SLC46A3: variants seen among roughly 807,000 people sequenced by gnomAD.
SLC46A3 encodes lysosomal proton-coupled steroid conjugate and bile acid symporter SLC46A3.
In SLC46A3, 26 loss-of-function variants were observed where a neutral mutation model predicts 38.5. That is an observed-to-expected ratio of 0.68 (90% CI 0.49 to 0.94). The LOEUF is 0.94. Among genes scored for constraint, SLC46A3 ranks in the 40% least tolerant of loss-of-function variants. SLC46A3 has a pLI of 0.00. For missense variants in SLC46A3, 510 were observed against 544.3 expected, an observed-to-expected ratio of 0.94 and a Z score of 0.63; for synonymous variants, 185 against 192.5, an observed-to-expected ratio of 0.96 and a Z score of 0.32.
At position 28,711,114 on chromosome 13, in the gene SLC46A3, T is replaced by TATA. The variant is rs537261944; in HGVS notation, c.1061-274_1061-272dup. Among the ~76,000 whole-genome samples, 808 of 152,308 alleles carry TATA rather than the reference T, an allele frequency of 5.3e-3. 4 individuals are homozygous for TATA. The highest frequency in any genetic ancestry group is 8.6e-3 in the Non-Finnish European group (585 of 68,016). On this transcript the variant is annotated intron_variant, in intron 3 of 5. Coordinates refer to ENST00000266943, the MANE Select transcript of SLC46A3 (RefSeq NM_181785.4). ...TAATTTTTAGGTCTAGATCTATTTATATAATCTGCCGATTAAGACTGATCT... is the reference window on the plus strand; with the variant it reads ...TAATTTTTAGGTCTAGATCTATTTATATAATAATCTGCCGATTAAGACTGATCT...
rs746121838 is a variant in SLC46A3 at position 28,713,068 on chromosome 13, C to G, written c.672G>C (p.Glu224Asp). The change falls in exon 3 of 6, where the codon GAG becomes GAC. Residue 224 changes from glutamate (E) to aspartate (D), a missense_variant. Glu to Asp is a conservative substitution (Grantham distance 45). Coordinates refer to ENST00000266943, the MANE Select transcript of SLC46A3 (RefSeq NM_181785.4). ...ILFFLGDPVK[E>D]CSSQNVTMSC... ...ACATAGTAACATTCTGAGATGAACA[C>G]TCTTTCACTGGATCTCCGAGAAAAA... 6.2e-7 allele frequency: 1 copy of G among 1,611,178 alleles called. No homozygotes were observed.
chr13:28,713,613 T>C, intron 2 of SLC46A3, 63 bp from the exon 3 acceptor site: 2 of 1,489,574 alleles, frequency 1.3e-6, no homozygotes, highest in South Asian at 1.3e-5. Context: ...TATAAAAATA[T>C]CATGGTGCAT....
In SLC46A3 at chr13:28,717,911, G is replaced by T; in HGVS notation, c.88C>A (p.Arg30=). 1 of 1,613,916 alleles carries T rather than the reference G, an allele frequency of 6.2e-7. No homozygotes were observed. Among genetic ancestry groups the T allele is most frequent in the Non-Finnish European group, 8.5e-7 (1 of 1,179,984 alleles). The change falls in exon 2 of 6, where the codon CGG becomes AGG. Residue 30 remains arginine (R), a synonymous_variant. Coordinates refer to ENST00000266943, the MANE Select transcript of SLC46A3 (RefSeq NM_181785.4). Reference sequence around the variant, plus strand: ...TTGCCAGTTTCTTCCCATATTCTCCGATAAACATATTGCGTTGTCAGTGGA... The same window carrying T: ...TTGCCAGTTTCTTCCCATATTCTCCTATAAACATATTGCGTTGTCAGTGGA... ...TGPLTTQYVY[R]RIWEETGNYT...
intron 2 of SLC46A3, among the ~76,000 whole-genome samples, chr13:28,716,487 T>C (rs556012222): frequency 9.4e-4 from 143 of 152,144 alleles, no homozygotes; most frequent in Non-Finnish European, 1.6e-4. Context: ...GTTTAATGCA[T>C]GAATAAACAC....
rs1262125539 is a variant in SLC46A3 at position 28,710,277 on chromosome 13, C to T, written c.1144+483G>A. On this transcript the variant is annotated intron_variant, in intron 4 of 5. Coordinates refer to ENST00000266943, the MANE Select transcript of SLC46A3 (RefSeq NM_181785.4). Reference sequence around the variant, plus strand: ...CAGCCCCACCCTGTGATTCCAAAGTCCAGCCACACCCTTTAGAAGGAGTCG... The same window carrying T: ...CAGCCCCACCCTGTGATTCCAAAGTTCAGCCACACCCTTTAGAAGGAGTCG... Among the ~76,000 whole-genome samples the T allele has an allele frequency of 2.0e-5, 3 of 152,184 alleles. No homozygotes were observed. In the East Asian group the frequency reaches 5.8e-4, roughly 29 times the overall value.
rs71190788 is a variant in SLC46A3 at position 28,708,614 on chromosome 13, C to CTTTTTT, written c.1144+2140_1144+2145dup. On this transcript the variant is annotated intron_variant, in intron 4 of 5. Transcript: ENST00000266943. ...ATTTCACTTTCTTTCTTTTTCTTTT[C>CTTTTTT]TTTTTTTTTTTTTTTTTTGTATTTT... is the stretch of plus-strand genomic sequence containing the variant. Among the ~76,000 whole-genome samples the CTTTTTT allele has an allele frequency of 1.2e-3, 153 of 128,192 alleles. 1 individual carries two copies. Among genetic ancestry groups the CTTTTTT allele is most frequent in the Middle Eastern group, 4.5e-3 (1 of 220 alleles). The allele number at this position is 128,192 out of a possible 152,430, so 84.1% of individuals were successfully genotyped here.
At position 28,700,434 on chromosome 13, in the gene SLC46A3, T is replaced by C. The variant is rs1271934168; in HGVS notation, c.*1063A>G. On this transcript the variant is annotated 3_prime_UTR_variant, in exon 6 of 6. Transcript: ENST00000266943. ...GAGCGTAAGGCAGTAAGAAATGAGA[T>C]GGGAAGGAGTCAAATCATGACTGGC... is the stretch of plus-strand genomic sequence containing the variant. 1.3e-5 allele frequency: 2 copies of C among 153,624 alleles called. No homozygotes were observed. The highest frequency in any genetic ancestry group is 1.9e-4 in the East Asian group (1 of 5,232). The allele number at this position is 153,624 out of a possible 1,614,324, so 9.5% of individuals were successfully genotyped here. A position where few individuals can be genotyped will look rare whatever the true frequency, so the allele number is the denominator to read the frequency against.
chr13:28,712,653 A>G, intron 3 of SLC46A3, 27 bp downstream of exon 3: 2 of 1,524,600 alleles, frequency 1.3e-6, no homozygotes, highest in Non-Finnish European at 1.7e-6. Context: ...ATACATAGTT[A>G]GTTCTAAAGC....
intron 4 of SLC46A3, among the ~76,000 whole-genome samples, 195 bp downstream of exon 4, chr13:28,710,565 A>G (rs1300166233): frequency 6.6e-6 from 1 of 152,222 alleles, no homozygotes; most frequent in East Asian, 1.9e-4. Context: ...GGAGCTCTCT[A>G]AAGTACAAGG....
rs1403049401 is a variant in SLC46A3, at chr13:28,717,484, ACTT to A, written c.189+323_189+325del. Among the ~76,000 whole-genome samples, 76 of 94,174 alleles carry A rather than the reference ACTT, an allele frequency of 8.1e-4. 8 individuals are homozygous for A. The highest frequency in any genetic ancestry group is 2.1e-3 in the Admixed American group (14 of 6,730). The allele number at this position is 94,174 out of a possible 152,430, so 61.8% of individuals were successfully genotyped here. A position where few individuals can be genotyped will look rare whatever the true frequency, so the allele number is the denominator to read the frequency against. Reference sequence around the variant, plus strand: ...CAGCCTGCCCTGCCCCAATTTTCAGACTTTTTTTTTTTTTTTTTTTTTTTTTAG... The same window carrying A: ...CAGCCTGCCCTGCCCCAATTTTCAGATTTTTTTTTTTTTTTTTTTTTTTAG... On this transcript the variant is annotated intron_variant, in intron 2 of 5. Transcript: ENST00000266943.
Position 28,704,313 on chromosome 13 carries a change from T to C in SLC46A3, c.1145-214A>G, listed in dbSNP as rs1305088. The C allele has an allele frequency of 0.89, 474,742 of 534,266 alleles. 213,474 individuals are homozygous for C. Among genetic ancestry groups the C allele is most frequent in the Non-Finnish European group, 0.94 (285,057 of 302,702 alleles). The allele number at this position is 534,266 out of a possible 1,614,324, so 33.1% of individuals were successfully genotyped here. ...ACTAAGGGAAAGGTTCTCCTTGGAC[T>C]TGATGTGAGAGATGTTGGAAACTCC... On this transcript the variant is annotated intron_variant, in intron 4 of 5. Transcript: ENST00000266943.
At position 28,714,618 on chromosome 13, in the gene SLC46A3, G is replaced by A. The variant is rs146594970; in HGVS notation, c.190-1068C>T. Among the ~76,000 whole-genome samples the A allele has an allele frequency of 3.1e-3, 468 of 152,308 alleles. 2 individuals carry two copies. The highest frequency in any genetic ancestry group is 9.5e-3 in the South Asian group (46 of 4,824). On this transcript the variant is annotated intron_variant, in intron 2 of 5. Coordinates refer to ENST00000266943, the MANE Select transcript of SLC46A3 (RefSeq NM_181785.4). ...ACAAAAATTAGCCAGGCGTGGTGGC[G>A]TACGCCTGTAGTCTCCGCTACTTGG...
intron 4 of SLC46A3, among the ~76,000 whole-genome samples, chr13:28,709,504 A>G (rs900021023): frequency 6.6e-6 from 1 of 152,214 alleles, no homozygotes; most frequent in African/African-American, 2.4e-5. Context: ...GAAAGTGCCA[A>G]TGTCTAATAA....
intron 5 of SLC46A3, 143 bp from the exon 6 acceptor site, chr13:28,701,724 C>T (rs947854110): frequency 6.8e-6 from 5 of 733,904 alleles, no homozygotes; most frequent in Non-Finnish European, 8.9e-6. Context: ...CATTTTGAAT[C>T]CAGCTGACTC....
At chr13:28,716,540 G>A (rs772085343) in intron 2 of SLC46A3, among the ~76,000 whole-genome samples, 8 of 152,016 alleles carry the variant, frequency 5.3e-5, no homozygotes, top group Admixed American at 1.3e-4. Flanking sequence ...TCTCACTCCC[G>A]GGAATGACCT....
Position 28,712,696 on chromosome 13 carries a change from T to C in SLC46A3, c.1044A>G (p.Thr348=). The change falls in exon 3 of 6, where the codon ACA becomes ACG. Residue 348 remains threonine (T), a synonymous_variant. Transcript: ENST00000266943. ...GMAMTAFAST[T]LMMFLARVPF... ...GGAACTCACCTAAAAACATCATCAG[T>C]GTTGTACTGGCAAACGCGGTCATAG... 1.3e-6 allele frequency: 2 copies of C among 1,596,056 alleles called. No individual in the cohort carries two copies. Among genetic ancestry groups the C allele is most frequent in the Non-Finnish European group, 1.7e-6 (2 of 1,174,912 alleles).
chr13:28,716,293 G>A (rs962344886), intron 2 of SLC46A3, among the ~76,000 whole-genome samples: 6 of 152,052 alleles, frequency 3.9e-5, no homozygotes, highest in African/African-American at 1.4e-4. Context: ...ATTAACAAAC[G>A]TCTCCAGAGC....
chr13:28,702,354 G>A (rs1032134911), intron 5 of SLC46A3, among the ~76,000 whole-genome samples: 1 of 152,068 alleles, frequency 6.6e-6, no homozygotes, highest in South Asian at 2.1e-4. Flanking sequence ...TTCTCCCACT[G>A]TTGGACAGTT....
chr13:28,706,808 A>G (rs1885184457), intron 4 of SLC46A3, among the ~76,000 whole-genome samples: 1 of 152,214 alleles, frequency 6.6e-6, no homozygotes, highest in African/African-American at 2.4e-5. Context: ...AATGCTCATC[A>G]TCACTGGCCA....
Sources: allele counts gnomAD v4.1 joint callset (sites outside exome capture counted in the v4.1 genomes callset), GRCh38; gene constraint gnomAD v4.1.1; transcripts MANE v1.5; gene names NCBI Gene and HGNC (gene_info 2026-07-23, HGNC 2026-07-21).